Variants in DAB1 observed in about 807,000 individuals in gnomAD.
DAB1 encodes the protein disabled homolog 1.
DAB1 carries 15 observed loss-of-function variants against 64.6 expected under a neutral mutation model. That is an observed-to-expected ratio of 0.23 (90% CI 0.16 to 0.36). The LOEUF is 0.36. Among genes scored for constraint, DAB1 ranks in the 10% least tolerant of loss-of-function variants. DAB1 has a pLI of 1.00. For synonymous variants in DAB1, 235 were observed against 251.9 expected, an observed-to-expected ratio of 0.93 and a Z score of 0.64; for missense variants, 596 against 706.7, an observed-to-expected ratio of 0.84 and a Z score of 1.78.
intron 1 of DAB1, among the ~76,000 whole-genome samples, chr1:57,852,162 A>T (rs1355672123): frequency 2.0e-5 from 3 of 152,076 alleles, no homozygotes; most frequent in African/African-American, 7.2e-5. Context: ...TCATTCCCTA[A>T]CCTTTTCCCT....
chr1:57,524,805 G>A (rs1644571813), intron 7 of DAB1, among the ~76,000 whole-genome samples: 2 of 152,240 alleles, frequency 1.3e-5, no homozygotes, highest in Middle Eastern at 3.4e-3. Flanking sequence ...GGATGTATAC[G>A]TGCAAGTCAC....
chr1:57,179,907 T>C (rs931950350), intron 2 of DAB1, among the ~76,000 whole-genome samples: 3 of 152,180 alleles, frequency 2.0e-5, no homozygotes, highest in Non-Finnish European at 2.9e-5. Flanking sequence ...AGCATGCCAA[T>C]TTTCACAAAC....
chr1:57,939,587 G>C (rs1191152092), intron 5 of DAB1, among the ~76,000 whole-genome samples: 1 of 152,078 alleles, frequency 6.6e-6, no homozygotes, highest in African/African-American at 2.4e-5. Context: ...TCAGCCTAGC[G>C]GTAATTTCTT....
intron 3 of DAB1, among the ~76,000 whole-genome samples, chr1:58,395,129 T>G (rs1644508663): frequency 6.6e-6 from 1 of 152,166 alleles, no homozygotes; most frequent in Admixed American, 6.5e-5. Flanking sequence ...TGTTTGCCTC[T>G]GTTAGCAATG....
chr1:57,402,825 C>T (rs1194418555), intron 1 of DAB1, among the ~76,000 whole-genome samples: 1 of 152,100 alleles, frequency 6.6e-6, no homozygotes, highest in Non-Finnish European at 1.5e-5. Context: ...TTGAAAGATG[C>T]ATCCCAGGAC....
At chr1:57,911,480 G>A (rs1403885285) in intron 5 of DAB1, among the ~76,000 whole-genome samples, 1 of 152,092 alleles carries the variant, frequency 6.6e-6, no homozygotes, top group Non-Finnish European at 1.5e-5. Context: ...GCATCATTTG[G>A]CAGTTTCCCC....
chr1:57,541,242 C>T (rs1357768497), intron 7 of DAB1, among the ~76,000 whole-genome samples: 1 of 151,882 alleles, frequency 6.6e-6, no homozygotes, highest in Non-Finnish European at 1.5e-5. Flanking sequence ...CATTCTCCTG[C>T]CTCAGCCTCC....
intron 6 of DAB1, among the ~76,000 whole-genome samples, chr1:57,754,525 A>T (rs1648703812): frequency 6.6e-6 from 1 of 152,058 alleles, no homozygotes; most frequent in Non-Finnish European, 1.5e-5. Context: ...GTCTCTACTA[A>T]AAATGCAAAA....
intron 6 of DAB1, among the ~76,000 whole-genome samples, chr1:57,746,734 T>C (rs1258520782): frequency 6.6e-6 from 1 of 152,194 alleles, no homozygotes; most frequent in Non-Finnish European, 1.5e-5. Context: ...ATGTAAATGG[T>C]TGTTATATTG....
At chr1:57,316,007 G>A (rs1181066215) in intron 1 of DAB1, among the ~76,000 whole-genome samples, 1 of 152,130 alleles carries the variant, frequency 6.6e-6, no homozygotes, top group Non-Finnish European at 1.5e-5. Context: ...TAGGATAGGT[G>A]TATTACCACC....
At chr1:57,401,916 T>C (rs879567058) in intron 1 of DAB1, among the ~76,000 whole-genome samples, 9 of 152,110 alleles carry the variant, frequency 5.9e-5, no homozygotes, top group African/African-American at 9.7e-5. Context: ...CTTTCAAACA[T>C]TGGAGAACCT....
intron 5 of DAB1, among the ~76,000 whole-genome samples, chr1:57,989,865 C>T (rs1251959703): frequency 6.6e-6 from 1 of 152,146 alleles, no homozygotes; most frequent in African/African-American, 2.4e-5. Context: ...AATATGTTTG[C>T]CATTACCTCA....
intron 7 of DAB1, among the ~76,000 whole-genome samples, chr1:57,451,356 T>C (rs1465336470): frequency 6.6e-6 from 1 of 152,240 alleles, no homozygotes; most frequent in Non-Finnish European, 1.5e-5. Context: ...TCCATGTTTG[T>C]TCTATCACAT....
intron 6 of DAB1, among the ~76,000 whole-genome samples, chr1:57,748,354 C>A (rs1270737098): frequency 1.3e-5 from 2 of 152,186 alleles, no homozygotes; most frequent in Non-Finnish European, 2.9e-5. Context: ...AGCATGAGAT[C>A]TTGGTCATGC....
intron 6 of DAB1, among the ~76,000 whole-genome samples, chr1:57,665,586 A>T (rs1329710844): frequency 2.6e-5 from 4 of 152,178 alleles, no homozygotes; most frequent in Non-Finnish European, 5.9e-5. Flanking sequence ...TGACAGGATA[A>T]TTGGAAACAA....
chr1:58,300,586 A>G (rs557720467), intron 4 of DAB1, among the ~76,000 whole-genome samples: 12 of 25,790 alleles, frequency 4.7e-4, no homozygotes, highest in South Asian at 2.2e-3. Flanking sequence ...GAAAGAAAGA[A>G]AGAAAGAAAG....
At chr1:58,390,499 G>T (rs756030437) in intron 3 of DAB1, among the ~76,000 whole-genome samples, 2 of 152,194 alleles carry the variant, frequency 1.3e-5, no homozygotes, top group African/African-American at 2.4e-5. Context: ...GGCAAGAGGG[G>T]AGCAGTGGAA....
intron 7 of DAB1, among the ~76,000 whole-genome samples, chr1:57,636,389 C>T (rs1305659578): frequency 7.9e-5 from 12 of 152,224 alleles, no homozygotes; most frequent in African/African-American, 2.9e-4. Flanking sequence ...GACTGGTACA[C>T]CATGCTAGGA....
chr1:58,014,728 G>T (rs907555559), intron 5 of DAB1, among the ~76,000 whole-genome samples: 3 of 152,316 alleles, frequency 2.0e-5, no homozygotes, highest in African/African-American at 7.2e-5. Flanking sequence ...CCAGGCACAT[G>T]GTGAATGTTT....
Sources: gnomAD v4.1 joint callset for allele counts (sites outside exome capture counted in the v4.1 genomes callset) on GRCh38, gnomAD v4.1.1 for gene constraint, MANE v1.5 for transcripts, NCBI Gene and HGNC (gene_info 2026-07-23, HGNC 2026-07-21) for gene names.